Variants in ZNF385D observed in about 807,000 individuals in gnomAD.
The protein encoded by ZNF385D is zinc finger protein 659.
ZNF385D carries 15 observed loss-of-function variants against 35.8 expected under a neutral mutation model. The observed-to-expected ratio is 0.42, with a 90% CI of 0.28 to 0.64. The LOEUF (loss-of-function observed/expected upper bound fraction) is 0.64. Among genes scored for constraint, ZNF385D ranks in the 30% least tolerant of loss-of-function variants. The pLI, the probability that ZNF385D is intolerant of heterozygous loss-of-function variation, is 0.23. For missense variants in ZNF385D, 474 were observed against 494.6 expected, an observed-to-expected ratio of 0.96 and a Z score of 0.39; for synonymous variants, 212 against 186.8, an observed-to-expected ratio of 1.13 and a Z score of -1.10.
chr3:21,724,240 C>G (rs2068659275), intron 1 of ZNF385D, among the ~76,000 whole-genome samples: 1 of 151,854 alleles, frequency 6.6e-6, no homozygotes, highest in Non-Finnish European at 1.5e-5. Context: ...GGAACTGCAT[C>G]AACTAATGGG....
chr3:22,258,753 T>C (rs1700449439), intron 2 of ZNF385D, among the ~76,000 whole-genome samples: 1 of 151,898 alleles, frequency 6.6e-6, no homozygotes, highest in East Asian at 1.9e-4. Context: ...TTTAAAAATA[T>C]AATTATAGAT....
Position 21,511,017 on chromosome 3 carries a change from C to A in ZNF385D, c.283G>T (p.Ala95Ser). The change falls in exon 4 of 8, where the codon GCT (alanine) becomes TCT (serine). Residue 95 changes from alanine (A) to serine (S), a missense_variant. By Grantham distance (99) the Ala-to-Ser change is moderately conservative. Coordinates refer to ENST00000281523, the MANE Select transcript of ZNF385D (RefSeq NM_024697.3). ...CQLRFNSDSQ[A>S]AAHYKGTKHA... ...TTCGTGCCTTTGTAGTGGGCCGCAG[C>A]CTGGCTCTACAAAGGAGAACAAAAT... is the stretch of plus-strand genomic sequence containing the variant. The A allele has an allele frequency of 1.9e-6, 3 of 1,613,992 alleles. No individual in the cohort carries two copies. The South Asian group carries it at 3.3e-5, about 18-fold the overall frequency.
intron 3 of ZNF385D, among the ~76,000 whole-genome samples, chr3:21,994,569 A>G (rs1224027882): frequency 6.6e-6 from 1 of 151,978 alleles, no homozygotes; most frequent in African/African-American, 2.4e-5. Flanking sequence ...TTGCTTGAGA[A>G]TTATTGTGTT....
At chr3:21,738,959 G>A (rs763466924) in intron 1 of ZNF385D, among the ~76,000 whole-genome samples, 3 of 152,168 alleles carry the variant, frequency 2.0e-5, no homozygotes, top group Non-Finnish European at 4.4e-5. Context: ...TGGAATAATC[G>A]ACTGCTTGTA....
At chr3:22,074,016 A>G (rs887704492) in intron 3 of ZNF385D, among the ~76,000 whole-genome samples, 7 of 151,940 alleles carry the variant, frequency 4.6e-5, no homozygotes, top group Non-Finnish European at 1.0e-4. Flanking sequence ...TGTTCTCTTC[A>G]TATGTCCAGG....
intron 3 of ZNF385D, among the ~76,000 whole-genome samples, chr3:22,090,377 A>G (rs777184762): frequency 1.3e-5 from 2 of 152,146 alleles, no homozygotes; most frequent in Middle Eastern, 3.2e-3. Context: ...ATATTGTGAT[A>G]AAGTGCCAAC....
intron 3 of ZNF385D, among the ~76,000 whole-genome samples, chr3:22,006,014 T>C (rs1696175311): frequency 6.6e-6 from 1 of 152,082 alleles, no homozygotes; most frequent in Non-Finnish European, 1.5e-5. Flanking sequence ...TTTTTGAGCT[T>C]TGACTATAAA....
rs1576117579 is a variant in ZNF385D, at chr3:21,997,901, G to A, written c.325+170916C>T. Reference sequence around the variant, plus strand: ...TGTGTGTGTGTGTGTGTGTGTGTGTGTGTGTGACAGAAAGAGAGAGAGAGA... The same window carrying A: ...TGTGTGTGTGTGTGTGTGTGTGTGTATGTGTGACAGAAAGAGAGAGAGAGA... On this transcript the variant is annotated intron_variant, in intron 3 of 5. Transcript: ENST00000494108. Among the ~76,000 whole-genome samples, 5 of 151,222 alleles carry A rather than the reference G, an allele frequency of 3.3e-5. No homozygotes were observed. In the East Asian group the frequency reaches 5.8e-4, roughly 18 times the overall value.
At chr3:22,306,976 G>T (rs977184291) in intron 2 of ZNF385D, among the ~76,000 whole-genome samples, 5 of 152,136 alleles carry the variant, frequency 3.3e-5, no homozygotes, top group African/African-American at 7.2e-5. Flanking sequence ...GCCTACACAT[G>T]CATTAGAGTT....
intron 2 of ZNF385D, among the ~76,000 whole-genome samples, chr3:22,371,085 C>A (rs1696882451): frequency 1.3e-5 from 2 of 152,090 alleles, no homozygotes; most frequent in African/African-American, 4.8e-5. Flanking sequence ...TGCAGCAAAG[C>A]CCGGACATGC....
intron 2 of ZNF385D, among the ~76,000 whole-genome samples, chr3:22,352,822 G>A (rs373449987): frequency 6.6e-6 from 1 of 152,196 alleles, no homozygotes; most frequent in African/African-American, 2.4e-5. Context: ...TAGATAGCAG[G>A]TTCCTATCAC....
rs114638651 is a variant in ZNF385D, at chr3:21,747,683, T to C, written c.22+3212A>G. Among the ~76,000 whole-genome samples the C allele has an allele frequency of 3.9e-3, 596 of 152,294 alleles. 6 individuals are homozygous for C. The highest frequency in any genetic ancestry group is 0.014 in the African/African-American group (581 of 41,568). On this transcript the variant is annotated intron_variant, in intron 1 of 7. Transcript: ENST00000281523. Reference sequence around the variant, plus strand: ...CAACCTTCTGCCAGGCGCTGAGCAATTGCTGGGGTGCACTCAAGCAAATAA... The same window carrying C: ...CAACCTTCTGCCAGGCGCTGAGCAACTGCTGGGGTGCACTCAAGCAAATAA...
chr3:21,582,934 C>T (rs1243163324), intron 2 of ZNF385D, among the ~76,000 whole-genome samples: 5 of 152,068 alleles, frequency 3.3e-5, no homozygotes, highest in South Asian at 2.1e-4. Context: ...CACACCACCA[C>T]GCCCAGCTAA....
chr3:21,885,427 A>G (rs929075074), intron 3 of ZNF385D, among the ~76,000 whole-genome samples: 4 of 151,912 alleles, frequency 2.6e-5, no homozygotes, highest in African/African-American at 9.7e-5. Flanking sequence ...AAATTTGATG[A>G]AAAAAATAGT....
intron 3 of ZNF385D, among the ~76,000 whole-genome samples, chr3:22,058,252 T>C (rs1040662699): frequency 9.2e-5 from 14 of 152,364 alleles, no homozygotes; most frequent in African/African-American, 3.4e-4. Context: ...CTTCAAATGA[T>C]AGAGTCAACT....
At chr3:21,730,007 T>C (rs559372654) in intron 1 of ZNF385D, among the ~76,000 whole-genome samples, 1 of 152,200 alleles carries the variant, frequency 6.6e-6, no homozygotes. Context: ...TGCTAAATAA[T>C]AGAATGCTAC....
At chr3:21,542,474 A>C (rs2062206645) in intron 3 of ZNF385D, among the ~76,000 whole-genome samples, 1 of 152,014 alleles carries the variant, frequency 6.6e-6, no homozygotes, top group Admixed American at 6.6e-5. Flanking sequence ...CTGCTTCTCA[A>C]GTAGCTAGGA....
At chr3:22,356,091 A>T (rs1696135552) in intron 2 of ZNF385D, among the ~76,000 whole-genome samples, 1 of 152,028 alleles carries the variant, frequency 6.6e-6, no homozygotes, top group African/African-American at 2.4e-5. Flanking sequence ...AGTCTATGTA[A>T]GCAAATATGC....
chr3:21,630,489 G>C (rs1298420479), intron 2 of ZNF385D, among the ~76,000 whole-genome samples: 1 of 151,978 alleles, frequency 6.6e-6, no homozygotes, highest in Non-Finnish European at 1.5e-5. Flanking sequence ...ACAAGCGTGA[G>C]CCACCGCGCC....
Sources: gnomAD v4.1 joint callset for allele counts (sites outside exome capture counted in the v4.1 genomes callset) on GRCh38, gnomAD v4.1.1 for gene constraint, MANE v1.5 for transcripts, NCBI Gene and HGNC (gene_info 2026-07-23, HGNC 2026-07-21) for gene names.